KCNC4: variants seen among roughly 807,000 people sequenced by gnomAD.
KCNC4 encodes the protein potassium voltage-gated channel subfamily C member 4.
A neutral mutation model predicts 42.8 loss-of-function variants in KCNC4; 23 were observed. That is an observed-to-expected ratio of 0.54 (90% CI 0.39 to 0.76). The LOEUF (loss-of-function observed/expected upper bound fraction) is 0.76, where lower values mean the gene tolerates loss of function less well. KCNC4 is among the 30% of genes least tolerant of loss of function. KCNC4 has a pLI of 0.00. For missense variants in KCNC4, 751 were observed against 898.2 expected (o/e 0.84, Z 2.10); for synonymous variants, 422 against 393.5 (o/e 1.07, Z -0.86).
intron 1 of KCNC4, among the ~76,000 whole-genome samples, chr1:110,259,635 G>A (rs1432494013): frequency 1.3e-5 from 2 of 152,130 alleles, no homozygotes; most frequent in African/African-American, 4.8e-5. Context: ...TGGAGGAGGA[G>A]ATGCCTGGGA....
chr1:110,223,936 C>T lies in KCNC4; in HGVS notation c.1615+36C>T. ...GGGTTGGGAAGGAAAATCCCTTTTC[C>T]CCCAGTGGCCTAGGGAGTTTCCAAA... On this transcript the variant is annotated intron_variant, in intron 2 of 3. Transcript: ENST00000438661. The surrounding 1 kb of genome is among the most constrained non-coding windows in gnomAD (Gnocchi z 7.5). 1.3e-6 allele frequency: 2 copies of T among 1,504,226 alleles called. No homozygotes were observed. Among genetic ancestry groups the T allele is most frequent in the Non-Finnish European group, 1.8e-6 (2 of 1,103,104 alleles). 93.2% of individuals were successfully genotyped at this position (1,504,226 alleles called of 1,614,324 possible).
At chr1:110,250,313 C>T (rs1659228094), downstream of KCNC4, among the ~76,000 whole-genome samples, 1 of 152,172 alleles carries the variant, frequency 6.6e-6, no homozygotes, top group Non-Finnish European at 1.5e-5. Flanking sequence ...TCTGGTAGGC[C>T]ACCCTGTATC....
chr1:110,263,434 C>T (rs904012304), intron 1 of KCNC4, among the ~76,000 whole-genome samples: 1 of 151,938 alleles, frequency 6.6e-6, no homozygotes, highest in African/African-American at 2.4e-5. Context: ...TTGACATTTC[C>T]TTGGCTGTCT....
At position 110,223,726 on chromosome 1, in the gene KCNC4, C is replaced by T; in HGVS notation, c.1441C>T (p.Leu481=). 1 of 1,614,162 alleles carries T rather than the reference C, an allele frequency of 6.2e-7. No individual in the cohort carries two copies. The highest frequency in any genetic ancestry group is 8.5e-7 in the Non-Finnish European group (1 of 1,180,036). Residue 481 remains leucine (L), a synonymous_variant, in exon 2 of 4, where the codon CTG becomes TTG. Coordinates refer to ENST00000438661, the MANE Select transcript of KCNC4 (RefSeq NM_001039574.3). This position sits in a 1 kb window ranked among gnomAD's most constrained non-coding sequence, Gnocchi z 7.5. ...IVNNFGMYYS[L]AMAKQKLPKK... ...CAACAACTTCGGCATGTACTACTCC[C>T]TGGCCATGGCCAAGCAGAAGCTGCC...
chr1:110,268,319 T>C (rs1164759628), intron 1 of KCNC4, among the ~76,000 whole-genome samples: 1 of 152,188 alleles, frequency 6.6e-6, no homozygotes, highest in East Asian at 1.9e-4. Context: ...TAAGAAACTC[T>C]AGCCTTGGCC....
At chr1:110,227,837 G>A (rs1237815397) in intron 3 of KCNC4, among the ~76,000 whole-genome samples, 2 of 152,200 alleles carry the variant, frequency 1.3e-5, no homozygotes, top group Admixed American at 6.5e-5. Context: ...GAGGTACTGG[G>A]AGTGGACTGC....
exon 4 of KCNC4, chr1:110,245,221 CAG>C (rs1288197457): frequency 1.3e-5 from 2 of 152,254 alleles, no homozygotes; most frequent in East Asian, 3.8e-4. Context: ...GCTTCTGTGA[CAG>C]AGAGGCAACT....
chr1:110,265,419 A>C (rs1262238023), intron 1 of KCNC4, among the ~76,000 whole-genome samples: 1 of 126,080 alleles, frequency 7.9e-6, no homozygotes, highest in East Asian at 2.5e-4. Context: ...AAATAAAATA[A>C]AATATTCCCC....
intron 1 of KCNC4, among the ~76,000 whole-genome samples, chr1:110,263,492 T>C (rs1659488687): frequency 6.6e-6 from 1 of 152,122 alleles, no homozygotes; most frequent in Non-Finnish European, 1.5e-5. Flanking sequence ...TTGGCATCCT[T>C]CAGCCAGAAA....
chr1:110,268,624 A>AG (rs1397065915), intron 1 of KCNC4, among the ~76,000 whole-genome samples: 2,528 of 147,342 alleles, frequency 0.017, 94 homozygotes, highest in African/African-American at 0.06. Context: ...AAAAAAAAAA[A>AG]AAAGAAAAGA....
At position 110,276,958 on chromosome 1, in the gene KCNC4, A is replaced by G. The variant is rs570333162; in HGVS notation, n.31-5576A>G. Among the ~76,000 whole-genome samples, 4 of 152,360 alleles carry G rather than the reference A, an allele frequency of 2.6e-5. No individual in the cohort carries two copies. In the South Asian group the frequency reaches 6.2e-4, roughly 24 times the overall value. ...GAGAGCCGGGTCATATGTATATACC[A>G]ATACCACCCACACATTTTTCATTAT... On this transcript the variant is annotated intron_variant and non_coding_transcript_variant, in intron 1 of 2. Transcript: ENST00000412512.
chr1:110,210,637 G>A lies in KCNC4; in HGVS notation c.-863G>A, dbSNP rs1473831616. Among the ~76,000 whole-genome samples the A allele has an allele frequency of 6.6e-6, 1 of 151,150 alleles. No individual in the cohort carries two copies. Among genetic ancestry groups the A allele is most frequent in the Non-Finnish European group, 1.5e-5 (1 of 67,742 alleles). On this transcript the variant is annotated 5_prime_UTR_variant, in exon 1 of 4. Transcript: ENST00000438661. ...CCAGTGCCCAGAGCCCGGCTCCCCA[G>A]AGCGGCCCCGCCCCCCAGGCTCGGC...
Position 110,273,750 on chromosome 1 carries a change from G to A in KCNC4, n.31-8784G>A, listed in dbSNP as rs540967778. Among the ~76,000 whole-genome samples, 4 of 152,332 alleles carry A rather than the reference G, an allele frequency of 2.6e-5. No homozygotes were observed. In the East Asian group the frequency reaches 7.7e-4, roughly 29 times the overall value. On this transcript the variant is annotated intron_variant and non_coding_transcript_variant, in intron 1 of 2. Transcript: ENST00000412512. ...CACTGGATATGGGTGAGTGGTGTCT[G>A]TAGGGAGGTGCCCTGGAACTTATAG...
Position 110,212,166 on chromosome 1 carries a change from C to G in KCNC4, c.667C>G (p.Arg223Gly). ...GCTCTTCGAGGATCCCTACTCCTCC[C>G]GGGCCGCTAGGGTGAGTGGCAGGAG... is the stretch of plus-strand genomic sequence containing the variant. ...WALFEDPYSS[R>G]AARVVAFASL... Residue 223 changes from arginine (R) to glycine (G), a missense_variant, in exon 1 of 4, where the codon CGG becomes GGG. By Grantham distance (125) the Arg-to-Gly change is moderately radical. Transcript: ENST00000438661. The G allele has an allele frequency of 6.6e-7, 1 of 1,505,878 alleles. No individual in the cohort carries two copies. Among genetic ancestry groups the G allele is most frequent in the East Asian group, 2.6e-5 (1 of 38,372 alleles). 93.3% of individuals were successfully genotyped at this position (1,505,878 alleles called of 1,614,324 possible). A position where few individuals can be genotyped will look rare whatever the true frequency, so the allele number is the denominator to read the frequency against.
At chr1:110,225,793 A>G (rs911144343) in intron 2 of KCNC4, 182 bp from the exon 3 acceptor site, 5 of 595,356 alleles carry the variant, frequency 8.4e-6, no homozygotes, top group African/African-American at 7.4e-5. Context: ...CTTCACACCA[A>G]GTGTAGCATC....
At chr1:110,213,170 T>TAAAAAAAAAAAAAAAAA (rs760587471) in intron 1 of KCNC4, among the ~76,000 whole-genome samples, 1 of 50,850 alleles carries the variant, frequency 2.0e-5, no homozygotes, top group Non-Finnish European at 3.4e-5. Context: ...CTTCGACAGC[T>TAAAAAAAAAAAAAAAAA]AAAAAAAAAA....
At chr1:110,275,954 C>CAAAAA (rs61372696) in intron 1 of KCNC4, among the ~76,000 whole-genome samples, 6 of 106,206 alleles carry the variant, frequency 5.6e-5, no homozygotes, top group Non-Finnish European at 7.5e-5. Flanking sequence ...GACTCCGCCT[C>CAAAAA]AAAAAAAAAA....
chr1:110,217,158 C>T (rs535099448), intron 1 of KCNC4, among the ~76,000 whole-genome samples: 1 of 152,154 alleles, frequency 6.6e-6, no homozygotes, highest in Admixed American at 6.5e-5. Context: ...AATTAGGTGA[C>T]AAGAAATGGC....
At chr1:110,236,142 T>C (rs1002456089), downstream of KCNC4, 1 of 152,230 alleles carries the variant, frequency 6.6e-6, no homozygotes, top group Non-Finnish European at 1.5e-5. Flanking sequence ...TTAGTCCTTA[T>C]CTCCTTGTGA....
Sources: gnomAD v4.1 joint callset for allele counts (sites outside exome capture counted in the v4.1 genomes callset) on GRCh38, gnomAD v4.1.1 for gene constraint, Gnocchi (gnomAD v3.1) non-coding constraint, MANE v1.5 for transcripts, NCBI Gene and HGNC (gene_info 2026-07-23, HGNC 2026-07-21) for gene names.